The following SLC43A2 variants were observed in gnomAD, a reference collection of about 807,000 sequenced individuals.
SLC43A2 encodes the protein solute carrier family 43 member 2.
In SLC43A2, 38 loss-of-function variants were observed where a neutral mutation model predicts 63.2. The observed-to-expected ratio is 0.60, with a 90% CI of 0.46 to 0.79. The LOEUF (loss-of-function observed/expected upper bound fraction) is 0.79. SLC43A2 is among the 30% of genes least tolerant of loss of function. The probability of loss-of-function intolerance (pLI) is 0.00; values close to 1 mark genes in which losing one functional copy is unlikely to be tolerated. For missense variants in SLC43A2, 644 were observed against 756.2 expected (o/e 0.85, Z 1.74); for synonymous variants, 322 against 331.0 (o/e 0.97, Z 0.30).
intron 6 of SLC43A2, 36 bp from the exon 7 acceptor site, chr17:1,591,735 G>GGGGGCCC: frequency 1.5e-6 from 1 of 652,928 alleles, no homozygotes. Flanking sequence ...GGGGGGGGGA[G>GGGGGCCC]GGGGCAGAGT....
chr17:1,610,816 G>C (rs1049898156), intron 5 of SLC43A2, among the ~76,000 whole-genome samples: 3 of 151,060 alleles, frequency 2.0e-5, no homozygotes, highest in African/African-American at 4.9e-5. Flanking sequence ...CCAACCGCAG[G>C]GTCCCTTTTA....
Position 1,583,322 on chromosome 17 carries a change from T to C in SLC43A2, c.1232A>G (p.Lys411Arg), listed in dbSNP as rs776393738. ...EKDANQGEKK[K>R]KKRDRQIQKI... Reference sequence around the variant, plus strand: ...CTGGATCTGCCGGTCCCGCTTCTTCTTTTTCTTCTCGCCTCTGTGGAGACA... The same window carrying C: ...CTGGATCTGCCGGTCCCGCTTCTTCCTTTTCTTCTCGCCTCTGTGGAGACA... Residue 411 changes from lysine to arginine, a missense_variant, in exon 11 of 14, where the codon AAG becomes AGG. Around this residue, in one of 3 missense-constraint regions of SLC43A2, gnomAD observed 528 missense variants for 623.6 expected, o/e 0.85. Transcript: ENST00000301335. The surrounding 1 kb of genome is among the most constrained non-coding windows in gnomAD (Gnocchi z 5.5). 1.2e-6 allele frequency: 2 copies of C among 1,614,128 alleles called. No individual in the cohort carries two copies. The highest frequency in any genetic ancestry group is 1.7e-6 in the Non-Finnish European group (2 of 1,179,994).
At chr17:1,597,149 G>A (rs1905366914) in intron 5 of SLC43A2, among the ~76,000 whole-genome samples, 1 of 151,808 alleles carries the variant, frequency 6.6e-6, no homozygotes, top group South Asian at 2.1e-4. Context: ...CCAGGCGGGG[G>A]TTGCAGTGAG....
intron 9 of SLC43A2, chr17:1,586,928 T>TGGCGCCCCCCCC: frequency 7.3e-6 from 9 of 1,232,900 alleles, no homozygotes; most frequent in Non-Finnish European, 9.0e-6. Context: ...TCCCTGACAA[T>TGGCGCCCCCCCC]CCCCCCCACC....
rs1393659119 is a variant in SLC43A2, at chr17:1,575,730, G to A, written c.1584C>T (p.Gly528=). The part of the protein sequence containing the change: ...NVGLLLLSLL[G]FCLPLYLICY... The stretch of plus-strand genomic sequence containing the variant: ...AGATCAGGTAGAGCGGGAGGCAGAA[G>A]CCCAGCAGGCTGAGAAGGAGCAGCC... Residue 528 remains glycine, a synonymous_variant, in exon 14 of 14, where the codon GGC becomes GGT. Coordinates refer to ENST00000301335, the MANE Select transcript of SLC43A2 (RefSeq NM_152346.3). The A allele has an allele frequency of 6.2e-7, 1 of 1,613,344 alleles. No homozygotes were observed. The highest frequency in any genetic ancestry group is 1.7e-5 in the Admixed American group (1 of 59,926).
chr17:1,625,600 G>T (rs563226682), intron 2 of SLC43A2, among the ~76,000 whole-genome samples: 49 of 152,316 alleles, frequency 3.2e-4, no homozygotes, highest in African/African-American at 1.2e-3. Context: ...CAAATGCGGG[G>T]ATTTCTGGCC....
chr17:1,625,660 CAG>C (rs1395585595), intron 2 of SLC43A2, among the ~76,000 whole-genome samples: 1 of 152,126 alleles, frequency 6.6e-6, no homozygotes, highest in African/African-American at 2.4e-5. Context: ...GCAGTGTGAC[CAG>C]AGAGATAAGC....
intron 5 of SLC43A2, among the ~76,000 whole-genome samples, chr17:1,612,283 T>C (rs1415344957): frequency 6.6e-6 from 1 of 152,064 alleles, no homozygotes; most frequent in Non-Finnish European, 1.5e-5. Context: ...ACTTTCTTTC[T>C]TTCAACCCCA....
chr17:1,596,243 C>T (rs1405592068), intron 5 of SLC43A2, among the ~76,000 whole-genome samples: 5 of 151,916 alleles, frequency 3.3e-5, no homozygotes, highest in East Asian at 3.9e-4. Flanking sequence ...TCCCTTGAAC[C>T]GGGAGATGGA....
chr17:1,627,777 C>T lies in SLC43A2; in HGVS notation c.98G>A (p.Trp33Ter), dbSNP rs1908800387. ...NLLFSAVLLG[W>*]GSLLIMLKSE... ...CTTGAGCATGATGAGCAGCGAGCCC[C>T]AGCCCAGGAGGACTGCCGAGAAGAG... Residue 33 changes from tryptophan to a stop codon, truncating the protein, a stop_gained, in exon 2 of 14, where the codon TGG (tryptophan) becomes TAG (stop). Coordinates refer to ENST00000301335, the MANE Select transcript of SLC43A2 (RefSeq NM_152346.3). LOFTEE classifies it high-confidence loss of function. 6.3e-7 allele frequency: 1 copy of T among 1,599,136 alleles called. No individual in the cohort carries two copies.
chr17:1,627,571 TG>T, intron 2 of SLC43A2, 143 bp downstream of exon 2: 1 of 780,180 alleles, frequency 1.3e-6, no homozygotes, highest in South Asian at 2.1e-5. Context: ...CCGGCAGGGC[TG>T]GGTGAGGATC....
intron 2 of SLC43A2, among the ~76,000 whole-genome samples, chr17:1,625,170 C>T (rs56405641): frequency 0.063 from 9,519 of 152,198 alleles, 392 homozygotes; most frequent in Non-Finnish European, 0.092. Flanking sequence ...TGCCAACTTC[C>T]CGCACCCAGG....
intron 2 of SLC43A2, among the ~76,000 whole-genome samples, chr17:1,617,476 C>T (rs77155076): frequency 0.15 from 23,269 of 152,040 alleles, 2,574 homozygotes; most frequent in East Asian, 0.4. Context: ...CTGCAACCTC[C>T]GCCTCCCGGG....
chr17:1,628,522 G>A (rs1413169420), intron 1 of SLC43A2, among the ~76,000 whole-genome samples: 1 of 151,958 alleles, frequency 6.6e-6, no homozygotes, highest in Non-Finnish European at 1.5e-5. Context: ...CGAACCCAGC[G>A]TGGGAGACGA....
intron 5 of SLC43A2, among the ~76,000 whole-genome samples, chr17:1,611,986 ACAGAGT>A (rs1036390339): frequency 2.0e-5 from 3 of 151,786 alleles, no homozygotes; most frequent in African/African-American, 7.3e-5. Context: ...TGTTTTTGAG[ACAGAGT>A]CTGGCTCTGT....
intron 4 of SLC43A2, among the ~76,000 whole-genome samples, chr17:1,614,175 G>A (rs1388965479): frequency 1.3e-5 from 2 of 152,098 alleles, no homozygotes; most frequent in East Asian, 1.9e-4. Flanking sequence ...CCCGGGAGGT[G>A]GAGGTTGCAG....
At chr17:1,608,771 C>G (rs1179612462) in intron 5 of SLC43A2, among the ~76,000 whole-genome samples, 1 of 152,138 alleles carries the variant, frequency 6.6e-6, no homozygotes, top group Non-Finnish European at 1.5e-5. Context: ...CAGAAAGACA[C>G]AGCTGAGCAG....
intron 9 of SLC43A2, among the ~76,000 whole-genome samples, chr17:1,588,949 C>T (rs1051509207): frequency 9.2e-5 from 14 of 152,192 alleles, no homozygotes; most frequent in Admixed American, 2.6e-4. Flanking sequence ...CTCAGCAGCA[C>T]GGCACACCCC....
At chr17:1,579,137 T>C (rs1430106804) in intron 11 of SLC43A2, among the ~76,000 whole-genome samples, 4 of 88,152 alleles carry the variant, frequency 4.5e-5, no homozygotes, top group Non-Finnish European at 9.3e-5. Context: ...AGACTCTGTC[T>C]CAAAAAAAAA....
Sources: allele counts gnomAD v4.1 joint callset (sites outside exome capture counted in the v4.1 genomes callset), GRCh38; gene constraint gnomAD v4.1.1; regional missense constraint gnomAD v4.1.1; non-coding constraint Gnocchi (gnomAD v3.1); transcripts MANE v1.5; gene names NCBI Gene and HGNC (gene_info 2026-07-23, HGNC 2026-07-21).